Variants in PSPH observed in about 807,000 individuals in gnomAD.
PSPH encodes the protein L-3-phosphoserine phosphatase.
In PSPH, 16 loss-of-function variants were observed where a neutral mutation model predicts 23.4. That is an observed-to-expected ratio of 0.68 (90% CI 0.46 to 1.04). The LOEUF (loss-of-function observed/expected upper bound fraction) is 1.04, where lower values mean the gene tolerates loss of function less well. Ranked by LOEUF, PSPH falls within the 50% of genes least tolerant of loss-of-function variation. The probability of loss-of-function intolerance (pLI) is 0.00; values close to 1 mark genes in which losing one functional copy is unlikely to be tolerated. For synonymous variants in PSPH, 68 were observed against 99.7 expected (o/e 0.68, Z 1.89); for missense variants, 223 against 273.7 (o/e 0.81, Z 1.31).
intron 1 of PSPH, among the ~76,000 whole-genome samples, chr7:56,044,856 T>C (rs189733965): frequency 2.0e-5 from 3 of 151,906 alleles, no homozygotes; most frequent in Non-Finnish European, 4.4e-5. Context: ...GGCAGATCAC[T>C]TGAGGTTAGG....
At chr7:56,011,903 T>G (rs1228672155) in intron 7 of PSPH, 34 bp from the exon 8 acceptor site, 9 of 1,502,794 alleles carry the variant, frequency 6.0e-6, no homozygotes, top group East Asian at 4.8e-5. Context: ...AAATGATTTT[T>G]ATTTTTATTT....
intron 1 of PSPH, among the ~76,000 whole-genome samples, chr7:56,040,870 G>A (rs1475711259): frequency 6.6e-6 from 1 of 151,994 alleles, no homozygotes; most frequent in Admixed American, 6.6e-5. Flanking sequence ...AAGCAGAGCA[G>A]AGCAGGGATA....
chr7:56,034,547 GCT>G (rs1478002557), intron 1 of PSPH, among the ~76,000 whole-genome samples: 7 of 151,960 alleles, frequency 4.6e-5, no homozygotes, highest in Admixed American at 2.6e-4. Context: ...ACGGAGTCTC[GCT>G]CTGTCGCCTG....
In PSPH at chr7:56,040,309, C is replaced by T. The variant is rs186827765; in HGVS notation, c.-291-6203G>A. Reference sequence around the variant, plus strand: ...TGAACAAAGAAATCTCTATGTGTGTCTATATCCAGGTATGATATATGGTTA... The same window carrying T: ...TGAACAAAGAAATCTCTATGTGTGTTTATATCCAGGTATGATATATGGTTA... On this transcript the variant is annotated intron_variant, in intron 1 of 7. Transcript: ENST00000275605. 8.0e-4 allele frequency among the ~76,000 whole-genome samples: 121 copies of T among 152,056 alleles called. 2 individuals are homozygous for T. The highest frequency in any genetic ancestry group is 2.8e-3 in the African/African-American group (116 of 41,510).
intron 1 of PSPH, among the ~76,000 whole-genome samples, chr7:56,042,352 G>GTT (rs1792664747): frequency 6.6e-6 from 1 of 151,772 alleles, no homozygotes; most frequent in Admixed American, 6.6e-5. Flanking sequence ...ACAAAATCCA[G>GTT]GAAAGAAGCA....
chr7:56,023,449 AT>A (rs1445122684), intron 3 of PSPH, among the ~76,000 whole-genome samples: 1 of 151,606 alleles, frequency 6.6e-6, no homozygotes, highest in East Asian at 1.9e-4. Context: ...TTTTGAAGAG[AT>A]GGGGGTCTTG....
intron 1 of PSPH, among the ~76,000 whole-genome samples, chr7:56,049,508 C>T (rs552011864): frequency 1.1e-4 from 17 of 149,628 alleles, no homozygotes; most frequent in Non-Finnish European, 1.5e-4. Flanking sequence ...ATGCAGTCTC[C>T]GCTCACTGCA....
At chr7:56,033,817 AAAAG>A (rs1410754894) in intron 2 of PSPH, 140 bp downstream of exon 2, 4 of 152,232 alleles carry the variant, frequency 2.6e-5, no homozygotes, top group African/African-American at 9.6e-5. Context: ...TAAATCAATG[AAAAG>A]AAAGCCTGGA....
intron 6 of PSPH, 71 bp downstream of exon 6, chr7:56,017,163 C>CA (rs71015158): frequency 0.29 from 464,163 of 1,593,850 alleles, 70,348 homozygotes; most frequent in East Asian, 0.42. Flanking sequence ...AGTTGCATTC[C>CA]AAAGACATTA....
intron 7 of PSPH, among the ~76,000 whole-genome samples, chr7:56,012,080 T>A (rs1453261789): frequency 6.6e-6 from 1 of 151,590 alleles, no homozygotes; most frequent in Non-Finnish European, 1.5e-5. Flanking sequence ...TACTTTTTTT[T>A]ATTTTTTGTA....
chr7:56,031,748 A>T (rs987935250), intron 3 of PSPH, among the ~76,000 whole-genome samples, 181 bp downstream of exon 3: 1 of 152,178 alleles, frequency 6.6e-6, no homozygotes, highest in African/African-American at 2.4e-5. Context: ...CAGGAGGTGG[A>T]GGTTGCAGTA....
chr7:56,043,602 A>G (rs1000003197), intron 1 of PSPH, among the ~76,000 whole-genome samples: 6 of 152,040 alleles, frequency 3.9e-5, no homozygotes, highest in African/African-American at 1.4e-4. Flanking sequence ...GGATCACTGG[A>G]GGTCAGGAGT....
intron 6 of PSPH, among the ~76,000 whole-genome samples, chr7:56,015,730 C>T (rs1788473251): frequency 6.6e-6 from 1 of 151,494 alleles, no homozygotes. Flanking sequence ...GTGATCTCGG[C>T]TCACTGCAAT....
rs1241839077 is a variant in PSPH, at chr7:56,011,958, T to G, written c.571-89A>C. On this transcript the variant is annotated intron_variant, in intron 7 of 7. Coordinates refer to ENST00000275605, the MANE Select transcript of PSPH (RefSeq NM_004577.4). Reference sequence around the variant, plus strand: ...TCTCGCTCTGTCACCCAGGCTGGAGTGCAGTGACACAATCTCCACTCACTG... The same window carrying G: ...TCTCGCTCTGTCACCCAGGCTGGAGGGCAGTGACACAATCTCCACTCACTG... 21 of 1,044,932 alleles carry G rather than the reference T, an allele frequency of 2.0e-5. No individual in the cohort carries two copies. The East Asian group carries it at 4.6e-4, about 23-fold the overall frequency. The allele number at this position is 1,044,932 out of a possible 1,614,324, so 64.7% of individuals were successfully genotyped here.
At chr7:56,049,883 G>GATGCAC (rs1005791366) in intron 1 of PSPH, among the ~76,000 whole-genome samples, 2 of 151,816 alleles carry the variant, frequency 1.3e-5, no homozygotes, top group Middle Eastern at 3.2e-3. Context: ...TTGGATCACA[G>GATGCAC]ATGCACACCA....
chr7:56,016,756 T>A (rs1480109987), intron 6 of PSPH, among the ~76,000 whole-genome samples: 1 of 151,788 alleles, frequency 6.6e-6, no homozygotes, highest in African/African-American at 2.4e-5. Flanking sequence ...TTTTTTTTTT[T>A]AGCAGAGTTG....
chr7:56,029,492 T>TAAAA (rs59890123), intron 3 of PSPH, among the ~76,000 whole-genome samples: 10 of 76,848 alleles, frequency 1.3e-4, no homozygotes, highest in Non-Finnish European at 1.7e-4. Context: ...ACCAACTGAT[T>TAAAA]AAAAAAAAAA....
At chr7:56,024,519 G>C (rs1789914418) in intron 3 of PSPH, among the ~76,000 whole-genome samples, 1 of 152,120 alleles carries the variant, frequency 6.6e-6, no homozygotes, top group South Asian at 2.1e-4. Flanking sequence ...GCTGAGGTGG[G>C]AGGATTACTT....
At chr7:56,014,173 A>G (rs1438132180) in intron 7 of PSPH, among the ~76,000 whole-genome samples, 2 of 152,160 alleles carry the variant, frequency 1.3e-5, no homozygotes, top group African/African-American at 2.4e-5. Flanking sequence ...CAGGGCTGTT[A>G]TGAAGATTAA....
Sources: gnomAD v4.1 joint callset for allele counts (sites outside exome capture counted in the v4.1 genomes callset) on GRCh38, gnomAD v4.1.1 for gene constraint, MANE v1.5 for transcripts, NCBI Gene and HGNC (gene_info 2026-07-23, HGNC 2026-07-21) for gene names.